The following VSIG4 variants were observed in gnomAD, a reference collection of about 807,000 sequenced individuals.
VSIG4 encodes V-set and immunoglobulin domain-containing protein 4.
Under a neutral mutation model 23.4 loss-of-function variants are expected in VSIG4, and 34 were observed. That is an observed-to-expected ratio of 1.45 (90% confidence interval 1.10 to 1.93). The LOEUF (loss-of-function observed/expected upper bound fraction) is 1.93, where lower values mean the gene tolerates loss of function less well. Ranked by LOEUF, VSIG4 falls within the 30% of genes most tolerant of loss-of-function variation. The pLI, the probability that VSIG4 is intolerant of heterozygous loss-of-function variation, is 0.00. For missense variants in VSIG4, 433 were observed against 310.8 expected (o/e 1.39, Z -2.96); for synonymous variants, 169 against 120.3 (o/e 1.41, Z -2.65).
chrX:66,033,893 T>C (rs980619163), intron 1 of VSIG4, 63 bp from the exon 2 acceptor site: 4 of 921,476 alleles, frequency 4.3e-6, no homozygotes, highest in Non-Finnish European at 6.1e-6. Context: ...GCAACTAAGG[T>C]GACAGTGACA....
At chrX:66,037,275 A>T (rs868571251) in intron 1 of VSIG4, among the ~76,000 whole-genome samples, 4 of 7,465 alleles carry the variant, frequency 5.4e-4, no homozygotes, top group Non-Finnish European at 1.3e-3. Flanking sequence ...ATAATAATAT[A>T]ATATAATATA....
Position 66,033,608 on chromosome X carries a change from G to A in VSIG4, c.278C>T (p.Pro93Leu). 1 of 1,211,386 alleles carries A rather than the reference G, an allele frequency of 8.3e-7. No individual in the cohort carries two copies. The highest frequency in any genetic ancestry group is 2.2e-5 in the Admixed American group (1 of 45,974). ...QGRLHVSHKV[P>L]GDVSLQLSTL... ...GCTCAATTGGAGGGATACATCTCCT[G>A]GAACCTTGTGGCTCACATGCAGGCG... Residue 93 changes from proline (P) to leucine (L), a missense_variant, in exon 2 of 8, where the codon CCA becomes CTA. Physicochemically the swap from Pro to Leu is moderately conservative, Grantham distance 98 (BLOSUM62 -3). Transcript: ENST00000374737.
chrX:66,022,381 G>A lies in VSIG4; in HGVS notation c.1082C>T (p.Pro361Leu). The A allele has an allele frequency of 3.3e-6, 4 of 1,212,079 alleles. No individual in the cohort carries two copies. Among genetic ancestry groups the A allele is most frequent in the Non-Finnish European group, 4.5e-6 (4 of 895,583 alleles). ...QNLGNNYSDE[P>L]CIGQEYQIIA... ...GATCTGGTACTCCTGTCCTATGCAG[G>A]GCTCATCAGAGTAGTTGTTGCCCAG... The change falls in exon 8 of 8, where the codon CCC (proline) becomes CTC (leucine). Residue 361 changes from proline to leucine, a missense_variant. Physicochemically the swap from Pro to Leu is moderately conservative, Grantham distance 98. Transcript: ENST00000374737.
At chrX:66,036,904 ATATATTATATGATATAT>A (rs779504731) in intron 1 of VSIG4, among the ~76,000 whole-genome samples, 5,876 of 35,375 alleles carry the variant, frequency 0.17, 1,127 homozygotes, top group African/African-American at 0.56. Flanking sequence ...TTATTATATA[ATATATTATATGATATAT>A]TATATTATAT....
intron 7 of VSIG4, 21 bp downstream of exon 7, chrX:66,022,820 G>A: frequency 8.3e-7 from 1 of 1,211,561 alleles, no homozygotes; most frequent in South Asian, 1.8e-5. Flanking sequence ...GTCAAAAATG[G>A]AAGAGGAGAG....
rs1303786405 is a variant in VSIG4 at position 66,021,750 on chromosome X, T to C, written c.*513A>G. The C allele has an allele frequency of 9.5e-6, 2 of 210,899 alleles. No homozygotes were observed. Among genetic ancestry groups the C allele is most frequent in the East Asian group, 2.2e-4 (2 of 8,939 alleles). The allele number at this position is 210,899 out of a possible 1,213,427, so 17.4% of individuals were successfully genotyped here. A position where few individuals can be genotyped will look rare whatever the true frequency, so the allele number is the denominator to read the frequency against. On this transcript the variant is annotated 3_prime_UTR_variant, in exon 8 of 8. Transcript: ENST00000374737. ...AACACAACTGAAGTTGCTGTTATGA[T>C]TAGATATTTATTGAGCACCAGGAGA... is the stretch of plus-strand genomic sequence containing the variant.
intron 5 of VSIG4, 68 bp downstream of exon 5, chrX:66,027,381 A>C: frequency 6.4e-6 from 6 of 936,532 alleles, no homozygotes; most frequent in Non-Finnish European, 9.1e-6. Flanking sequence ...CAGTGTGCAT[A>C]AGGGAAAGTT....
At chrX:66,031,381 T>C (rs1271256213) in intron 3 of VSIG4, among the ~76,000 whole-genome samples, 2 of 109,704 alleles carry the variant, frequency 1.8e-5, no homozygotes, top group Non-Finnish European at 1.9e-5. Context: ...ACCACTCTTG[T>C]TCCTCCCAAA....
Position 66,022,193 on chromosome X carries a change from A to C in VSIG4, c.*70T>G, listed in dbSNP as rs768015315. The C allele has an allele frequency of 2.3e-5, 28 of 1,209,831 alleles. No individual in the cohort carries two copies. Among genetic ancestry groups the C allele is most frequent in the Admixed American group, 1.5e-4 (7 of 45,801 alleles). ...TATCCAGGAAGAGAGGTAGCAGGGAAGAAGGCCATGCAGAAGGCAAGGACT... is the reference window on the plus strand; with the variant it reads ...TATCCAGGAAGAGAGGTAGCAGGGACGAAGGCCATGCAGAAGGCAAGGACT... On this transcript the variant is annotated 3_prime_UTR_variant, in exon 8 of 8. Coordinates refer to ENST00000374737, the MANE Select transcript of VSIG4 (RefSeq NM_007268.3).
rs1170941524 is a variant in VSIG4 at position 66,040,066 on chromosome X, G to T, written c.-68C>A. 1 of 1,127,862 alleles carries T rather than the reference G, an allele frequency of 8.9e-7. No homozygotes were observed. Among genetic ancestry groups the T allele is most frequent in the Non-Finnish European group, 1.2e-6 (1 of 822,968 alleles). 92.9% of individuals were successfully genotyped at this position (1,127,862 alleles called of 1,213,427 possible). A position where few individuals can be genotyped will look rare whatever the true frequency, so the allele number is the denominator to read the frequency against. On this transcript the variant is annotated 5_prime_UTR_variant, in exon 1 of 8. Coordinates refer to ENST00000374737, the MANE Select transcript of VSIG4 (RefSeq NM_007268.3). ...ACCAAAGAGGCTCAAACTTCTGGTGGCCGCCAGCGTCTGTGACTGCTTACT... is the reference window on the plus strand; with the variant it reads ...ACCAAAGAGGCTCAAACTTCTGGTGTCCGCCAGCGTCTGTGACTGCTTACT...
At chrX:66,036,776 ATTATAT>A (rs2085557781) in intron 1 of VSIG4, among the ~76,000 whole-genome samples, 1 of 41,367 alleles carries the variant, frequency 2.4e-5, no homozygotes, top group Non-Finnish European at 3.7e-5. Context: ...TATATATTAT[ATTATAT>A]TATATATAAT....
rs757073254 is a variant in VSIG4 at position 66,032,569 on chromosome X, A to T, written c.593T>A (p.Phe198Tyr). 2.5e-6 allele frequency: 3 copies of T among 1,209,975 alleles called. No individual in the cohort carries two copies. In the African/African-American group the frequency reaches 5.2e-5, roughly 21 times the overall value. Residue 198 changes from phenylalanine (F) to tyrosine (Y), a missense_variant, in exon 3 of 8, where the codon TTC becomes TAC. Coordinates refer to ENST00000374737, the MANE Select transcript of VSIG4 (RefSeq NM_007268.3). ...IKVATLSTLL[F>Y]KPAVIADSGS... is the part of the protein sequence containing the mutation. The stretch of plus-strand genomic sequence containing the variant: ...TGAGTCGGCTATCACCGCAGGCTTG[A>T]AGAGTAAGGTACTTAGGGTTGCTAC...
In VSIG4 at chrX:66,028,112, T is replaced by G; in HGVS notation, c.695A>C (p.Asp232Ala). The G allele has an allele frequency of 1.7e-6, 2 of 1,208,861 alleles. No individual in the cohort carries two copies. Among genetic ancestry groups the G allele is most frequent in the East Asian group, 3.0e-5 (1 of 33,782 alleles). Residue 232 changes from aspartate to alanine, a missense_variant and splice_region_variant, in exon 4 of 8, where the codon GAC becomes GCC. Transcript: ENST00000374737. ...HSDIVKFVVK[D>A]SSKLLKTKTE... is the part of the protein sequence containing the mutation. The stretch of plus-strand genomic sequence containing the variant: ...CTTGGTCTTGAGTAGCTTTGAGGAG[T>G]CTGCAAGGAAAAGGGAACCGATTGA...
At chrX:66,036,661 A>C (rs1423961076) in intron 1 of VSIG4, among the ~76,000 whole-genome samples, 1 of 69,380 alleles carries the variant, frequency 1.4e-5, no homozygotes, top group Non-Finnish European at 2.5e-5. Flanking sequence ...TATAATATAT[A>C]ATATAATATA....
At chrX:66,023,130 G>A (rs1249658299) in intron 6 of VSIG4, among the ~76,000 whole-genome samples, 1 of 110,689 alleles carries the variant, frequency 9.0e-6, no homozygotes, top group Non-Finnish European at 1.9e-5. Context: ...GCAGTTTCTC[G>A]GTATGGGTTG....
chrX:66,029,748 T>G (rs2085442655), intron 3 of VSIG4, among the ~76,000 whole-genome samples: 4 of 110,525 alleles, frequency 3.6e-5, no homozygotes, highest in Admixed American at 9.7e-5. Context: ...GAAGGAGGAG[T>G]CAAAGGTACT....
intron 1 of VSIG4, among the ~76,000 whole-genome samples, chrX:66,039,234 A>G (rs1051831999): frequency 8.9e-6 from 1 of 112,161 alleles, no homozygotes; most frequent in Non-Finnish European, 1.9e-5. Flanking sequence ...GAGAAGAGTC[A>G]AGGAGACATA....
chrX:66,023,435 G>T (rs1468158570), intron 6 of VSIG4, among the ~76,000 whole-genome samples: 1 of 112,007 alleles, frequency 8.9e-6, no homozygotes, highest in Non-Finnish European at 1.9e-5. Context: ...ATATTTCTTT[G>T]TACTGCCCTC....
At position 66,033,736 on chromosome X, in the gene VSIG4, G is replaced by T. The variant is rs946784020; in HGVS notation, c.150C>A (p.Thr50=). 5.0e-6 allele frequency: 6 copies of T among 1,209,491 alleles called. No individual in the cohort carries two copies. The highest frequency in any genetic ancestry group is 3.5e-5 in the African/African-American group (2 of 57,044). ...PCTYDPLQGY[T]QVLVKWLVQR... is the part of the protein sequence containing the mutation. ...GTACCAGCCACTTCACCAAGACTTG[G>T]GTGTAGCCTTGCAGGGGGTCATAGG... Residue 50 remains threonine, a synonymous_variant, in exon 2 of 8, where the codon ACC becomes ACA. Transcript: ENST00000374737.
Sources: gnomAD v4.1 joint callset for allele counts (sites outside exome capture counted in the v4.1 genomes callset) on GRCh38, gnomAD v4.1.1 for gene constraint, MANE v1.5 for transcripts, NCBI Gene and HGNC (gene_info 2026-07-23, HGNC 2026-07-21) for gene names.